Variants in PI4KA observed in about 807,000 individuals in gnomAD.
PI4KA encodes the protein PI4-kinase alpha.
PI4KA carries 122 observed loss-of-function variants against 271.4 expected under a neutral mutation model. That is an observed-to-expected ratio of 0.45 (90% CI 0.39 to 0.52). The LOEUF is 0.52. Ranked by LOEUF, PI4KA falls within the 20% of genes least tolerant of loss-of-function variation. The pLI is 0.00. For synonymous variants in PI4KA, 1,041 were observed against 1,078.8 expected, an observed-to-expected ratio of 0.96 and a Z score of 0.69; for missense variants, 1,969 against 2,769.1, an observed-to-expected ratio of 0.71 and a Z score of 6.48.
At chr22:20,730,715 G>A (rs1312778511) in intron 36 of PI4KA, among the ~76,000 whole-genome samples, 2 of 151,780 alleles carry the variant, frequency 1.3e-5, no homozygotes, top group Admixed American at 6.6e-5. Flanking sequence ...GACTACAGAC[G>A]CCCACCACCA....
intron 4 of PI4KA, among the ~76,000 whole-genome samples, chr22:20,823,414 GGGAA>G (rs1403062712): frequency 6.6e-6 from 1 of 152,078 alleles, no homozygotes; most frequent in African/African-American, 2.4e-5. Flanking sequence ...ATCACTAACT[GGGAA>G]CATTTAGAAT....
chr22:20,848,237 CAA>C (rs60503165), intron 1 of PI4KA, among the ~76,000 whole-genome samples: 662 of 51,092 alleles, frequency 0.013, 2 homozygotes, highest in African/African-American at 0.047. Flanking sequence ...GACTCCATCT[CAA>C]AAAAAAAAAA....
At chr22:20,742,150 G>T in intron 32 of PI4KA, 78 bp downstream of exon 32, 1 of 1,474,566 alleles carries the variant, frequency 6.8e-7, no homozygotes, top group Admixed American at 1.8e-5. Flanking sequence ...CATGCTTGGT[G>T]GTGGCGGCAC....
intron 22 of PI4KA, 95 bp from the exon 23 acceptor site, chr22:20,761,481 C>T: frequency 1.3e-6 from 1 of 772,290 alleles, no homozygotes; most frequent in South Asian, 1.4e-5. Context: ...ATGTGAAGAA[C>T]ATTTGCCCTC....
In PI4KA at chr22:20,747,741, C is replaced by T. The variant is rs778500432; in HGVS notation, c.3244-39G>A. On this transcript the variant is annotated intron_variant, in intron 28 of 54. Coordinates refer to ENST00000255882, the MANE Select transcript of PI4KA (RefSeq NM_058004.4). ...AACACATGGGGTTTCAGTTATTTAT[C>T]TGATTTTTTTAGAGGCAGGGTCTCG... The T allele has an allele frequency of 3.8e-6, 6 of 1,599,930 alleles. No individual in the cohort carries two copies. In the Admixed American group the frequency reaches 1.0e-4, roughly 27 times the overall value.
chr22:20,829,230 G>C (rs1048900782), intron 3 of PI4KA, among the ~76,000 whole-genome samples: 1 of 152,126 alleles, frequency 6.6e-6, no homozygotes, highest in Admixed American at 6.6e-5. Flanking sequence ...AGTAGGAGTG[G>C]TACCAGCTCT....
chr22:20,736,567 G>A (rs1454781880), intron 32 of PI4KA: 1 of 153,294 alleles, frequency 6.5e-6, no homozygotes, highest in Non-Finnish European at 1.5e-5. Context: ...CAAAGGTGAA[G>A]GTGATGGGAT....
chr22:20,788,383 G>A (rs980372329), intron 19 of PI4KA, among the ~76,000 whole-genome samples: 16 of 152,300 alleles, frequency 1.1e-4, no homozygotes, highest in East Asian at 3.9e-4. Context: ...GAAGGGGAAC[G>A]TCACTGCCCT....
rs770410826 is a variant in PI4KA at position 20,805,158 on chromosome 22, C to G, written c.1176G>C (p.Pro392=). 4.6e-5 allele frequency: 74 copies of G among 1,612,906 alleles called. No homozygotes were observed. The highest frequency in any genetic ancestry group is 6.1e-5 in the Non-Finnish European group (72 of 1,179,408). The part of the protein sequence containing the change: ...RDTLYYMKDL[P]TSFVKEIHDF... The stretch of plus-strand genomic sequence containing the variant: ...CATGGATCTCCTTCACAAAAGAGGT[C>G]GGGAGGTCTGTAGGAAAGAGTGTGG... The change falls in exon 11 of 55, where the codon CCG becomes CCC. Residue 392 remains proline (P), a synonymous_variant. Transcript: ENST00000255882.
At chr22:20,715,030 C>T (rs1192070212) in intron 45 of PI4KA, among the ~76,000 whole-genome samples, 1 of 152,060 alleles carries the variant, frequency 6.6e-6, no homozygotes, top group African/African-American at 2.4e-5. Context: ...GTCCTGCCTC[C>T]ACCTGCCTGA....
At chr22:20,816,515 T>G (rs1389578945) in intron 7 of PI4KA, among the ~76,000 whole-genome samples, 6 of 152,060 alleles carry the variant, frequency 3.9e-5, no homozygotes, top group Non-Finnish European at 8.8e-5. Context: ...GTAAGAAAAG[T>G]CTTAGTATGT....
At chr22:20,744,089 T>C (rs1011867828) in intron 30 of PI4KA, among the ~76,000 whole-genome samples, 4 of 151,938 alleles carry the variant, frequency 2.6e-5, no homozygotes, top group Admixed American at 1.3e-4. Context: ...CAAAAAGAAA[T>C]GGTATAGATT....
At chr22:20,810,465 C>T (rs1400483485) in intron 9 of PI4KA, among the ~76,000 whole-genome samples, 7 of 151,254 alleles carry the variant, frequency 4.6e-5, no homozygotes, top group Non-Finnish European at 1.0e-4. Context: ...GCCGAGATTG[C>T]GCCACTGCAC....
chr22:20,735,880 C>A (rs1040681728), intron 32 of PI4KA, among the ~76,000 whole-genome samples: 1 of 152,156 alleles, frequency 6.6e-6, no homozygotes, highest in African/African-American at 2.4e-5. Context: ...TGGGGGGGAC[C>A]CCAGAACTGC....
At chr22:20,856,278 C>G (rs1601631763) in intron 1 of PI4KA, among the ~76,000 whole-genome samples, 1 of 152,072 alleles carries the variant, frequency 6.6e-6, no homozygotes, top group East Asian at 1.9e-4. Context: ...CACCACTGCA[C>G]TCCAGCCTGG....
At chr22:20,755,259 G>T (rs764181588) in intron 23 of PI4KA, among the ~76,000 whole-genome samples, 1 of 152,130 alleles carries the variant, frequency 6.6e-6, no homozygotes, top group Non-Finnish European at 1.5e-5. Context: ...TGGCCACTCG[G>T]AGCTCTTTCA....
chr22:20,740,974 C>T (rs1316193423), intron 32 of PI4KA, among the ~76,000 whole-genome samples: 1 of 152,180 alleles, frequency 6.6e-6, no homozygotes, highest in Non-Finnish European at 1.5e-5. Flanking sequence ...GAGGAGATCA[C>T]AGGAAGACTG....
intron 23 of PI4KA, among the ~76,000 whole-genome samples, chr22:20,758,141 G>A (rs561876202): frequency 2.0e-5 from 3 of 151,944 alleles, no homozygotes; most frequent in East Asian, 2.0e-4. Flanking sequence ...CGAGGCGGGC[G>A]GATCACGAGG....
rs767388476 is a variant in PI4KA at position 20,779,855 on chromosome 22, G to T, written c.2328+13338C>A. On this transcript the variant is annotated intron_variant, in intron 19 of 54. Coordinates refer to ENST00000255882, the MANE Select transcript of PI4KA (RefSeq NM_058004.4). ...CCCATGAACAAGTGCACTCGATTTT[G>T]CATTTTAAAGACTTTGTTAATGCCA... is the stretch of plus-strand genomic sequence containing the variant. 3 of 1,614,194 alleles carry T rather than the reference G, an allele frequency of 1.9e-6. No homozygotes were observed. The South Asian group carries it at 3.3e-5, about 18-fold the overall frequency.
Sources: gnomAD v4.1 joint callset for allele counts (sites outside exome capture counted in the v4.1 genomes callset) on GRCh38, gnomAD v4.1.1 for gene constraint, MANE v1.5 for transcripts, NCBI Gene and HGNC (gene_info 2026-07-23, HGNC 2026-07-21) for gene names.